The following GALC variants were observed in gnomAD, a reference collection of about 807,000 sequenced individuals.
GALC encodes galactosylceramidase.
A neutral mutation model predicts 91.8 loss-of-function variants in GALC; 77 were observed. The ratio of observed to expected loss-of-function variants is 0.84; its 90% CI spans 0.70 to 1.01. The LOEUF (loss-of-function observed/expected upper bound fraction) is 1.01. Among genes scored for constraint, GALC ranks in the 50% least tolerant of loss-of-function variants. GALC has a pLI of 0.00. For missense variants in GALC, 882 were observed against 855.9 expected (o/e 1.03, Z -0.38); for synonymous variants, 357 against 306.7 (o/e 1.16, Z -1.71).
intron 1 of GALC, among the ~76,000 whole-genome samples, chr14:87,991,719 T>C (rs1371464888): frequency 6.6e-6 from 1 of 152,234 alleles, no homozygotes; most frequent in Non-Finnish European, 1.5e-5. Flanking sequence ...CTAATAATTG[T>C]ATATTCTATC....
At chr14:87,946,557 T>A (rs928129102) in intron 13 of GALC, among the ~76,000 whole-genome samples, 2 of 152,002 alleles carry the variant, frequency 1.3e-5, no homozygotes, top group Non-Finnish European at 2.9e-5. Flanking sequence ...TTACATTTTA[T>A]ATTTGAAGGT....
At chr14:87,968,038 A>G (rs1046211992) in intron 8 of GALC, among the ~76,000 whole-genome samples, 1 of 152,156 alleles carries the variant, frequency 6.6e-6, no homozygotes, top group Non-Finnish European at 1.5e-5. Context: ...TACATATACT[A>G]TTTACTTTAT....
At chr14:87,992,491 C>G in intron 1 of GALC, 1 of 1,532,320 alleles carries the variant, frequency 6.5e-7, no homozygotes, top group East Asian at 2.5e-5. Flanking sequence ...CGGGACTTAA[C>G]GACTCCACCA....
Position 87,965,516 on chromosome 14 carries a change from A to G in GALC, c.1022T>C (p.Val341Ala). The change falls in exon 9 of 17, where the codon GTC becomes GCC. Residue 341 changes from valine (V) to alanine (A), a missense_variant. Transcript: ENST00000261304. Reference sequence around the variant, plus strand: ...GAACTGAACCATACCTGATACCCAGACAGGAGATTCTACCACGTAGTGCCC... The same window carrying G: ...GAACTGAACCATACCTGATACCCAGGCAGGAGATTCTACCACGTAGTGCCC... ...WSGHYVVESP[V>A]WVSAHTTQFT... 1 of 1,613,592 alleles carries G rather than the reference A, an allele frequency of 6.2e-7. No homozygotes were observed. The highest frequency in any genetic ancestry group is 8.5e-7 in the Non-Finnish European group (1 of 1,179,620).
At chr14:87,963,050 A>G (rs1885875905) in intron 10 of GALC, among the ~76,000 whole-genome samples, 1 of 152,138 alleles carries the variant, frequency 6.6e-6, no homozygotes, top group African/African-American at 2.4e-5. Context: ...AGGATGAAAA[A>G]GGAAAAAGCC....
intron 1 of GALC, among the ~76,000 whole-genome samples, chr14:87,990,071 C>T (rs569946489): frequency 1.3e-5 from 2 of 152,242 alleles, no homozygotes; most frequent in South Asian, 4.1e-4. Flanking sequence ...TCTGGCCCTG[C>T]TCACTGATTT....
intron 5 of GALC, among the ~76,000 whole-genome samples, chr14:87,982,843 C>T (rs947802989): frequency 6.6e-5 from 10 of 152,128 alleles, no homozygotes; most frequent in Non-Finnish European, 8.8e-5. Flanking sequence ...TAACAAGAGA[C>T]GATTCTAGAA....
chr14:87,968,686 A>T (rs1886157930), intron 7 of GALC, among the ~76,000 whole-genome samples, 196 bp from the exon 8 acceptor site: 2 of 152,200 alleles, frequency 1.3e-5, no homozygotes, highest in South Asian at 4.1e-4. Context: ...CATTAAAATG[A>T]CAGCAAAGAA....
chr14:87,975,282 G>T (rs116400032), intron 7 of GALC, among the ~76,000 whole-genome samples: 1 of 151,924 alleles, frequency 6.6e-6, no homozygotes, highest in Admixed American at 6.6e-5. Flanking sequence ...CAAATTAAAA[G>T]AAAGAAAAAG....
At position 87,992,990 on chromosome 14, in the gene GALC, C is replaced by A. The variant is rs764757647; in HGVS notation, c.175G>T (p.Gly59Cys). ...DGLGREFDGI[G>C]AVSGGGATSR... The stretch of plus-strand genomic sequence containing the variant: ...CTCACCCCGCCGCCGCTGACCGCGC[C>A]GATGCCGTCGAACTCCCGGCCCAGC... Residue 59 changes from glycine (G) to cysteine (C), a missense_variant, in exon 1 of 17, where the codon GGC (glycine) becomes TGC (cysteine). By Grantham distance (159) the Gly-to-Cys change is radical (BLOSUM62 -3). Coordinates refer to ENST00000261304, the MANE Select transcript of GALC (RefSeq NM_000153.4). The A allele has an allele frequency of 6.5e-7, 1 of 1,532,478 alleles. No homozygotes were observed. Among genetic ancestry groups the A allele is most frequent in the Non-Finnish European group, 8.7e-7 (1 of 1,148,670 alleles). The allele number at this position is 1,532,478 out of a possible 1,614,324, so 94.9% of individuals were successfully genotyped here. A position where few individuals can be genotyped will look rare whatever the true frequency, so the allele number is the denominator to read the frequency against.
Position 87,934,062 on chromosome 14 carries a change from T to C in GALC, c.*670A>G, listed in dbSNP as rs1317733903. On this transcript the variant is annotated 3_prime_UTR_variant, in exon 17 of 17. Transcript: ENST00000261304. ...GACCAAAACTTGGAATCAAAAAAAT[T>C]AAATAATGCAAATAACCCAATTAAT... 6.5e-7 allele frequency: 1 copy of C among 1,531,066 alleles called. No individual in the cohort carries two copies. The highest frequency in any genetic ancestry group is 8.7e-7 in the Non-Finnish European group (1 of 1,143,318). The allele number at this position is 1,531,066 out of a possible 1,614,324, so 94.8% of individuals were successfully genotyped here.
At chr14:87,953,323 G>A in intron 10 of GALC, 1 of 1,440,844 alleles carries the variant, frequency 6.9e-7, no homozygotes, top group Non-Finnish European at 9.7e-7. Flanking sequence ...TGAACCAAAG[G>A]CAAGTTACGG....
At chr14:87,969,961 T>C (rs1256164223) in intron 7 of GALC, among the ~76,000 whole-genome samples, 2 of 152,070 alleles carry the variant, frequency 1.3e-5, no homozygotes, top group Admixed American at 1.3e-4. Context: ...AGGCATCTAT[T>C]CAATATTGCA....
chr14:87,956,840 A>C (rs1885578432), intron 10 of GALC, among the ~76,000 whole-genome samples: 2 of 152,162 alleles, frequency 1.3e-5, no homozygotes, highest in African/African-American at 4.8e-5. Context: ...ATAAATCTCC[A>C]CATTGTTTTC....
intron 10 of GALC, among the ~76,000 whole-genome samples, chr14:87,957,466 ATTC>A (rs1885605097): frequency 6.6e-6 from 1 of 152,082 alleles, no homozygotes; most frequent in African/African-American, 2.4e-5. Flanking sequence ...CAGTTTCATT[ATTC>A]TATATGTTGC....
At chr14:87,955,646 A>G (rs1353980149) in intron 10 of GALC, among the ~76,000 whole-genome samples, 1 of 152,134 alleles carries the variant, frequency 6.6e-6, no homozygotes, top group African/African-American at 2.4e-5. Flanking sequence ...ATTAGTTTAT[A>G]TAAACCTCTG....
chr14:87,950,911 T>A (rs1228471251), intron 10 of GALC, among the ~76,000 whole-genome samples, 163 bp from the exon 11 acceptor site: 5 of 151,732 alleles, frequency 3.3e-5, no homozygotes, highest in Admixed American at 2.6e-4. Flanking sequence ...AATATAATAT[T>A]TACTGAATGT....
Position 87,984,483 on chromosome 14 carries a change from A to G in GALC, c.493T>C (p.Tyr165His). 2 of 1,614,150 alleles carry G rather than the reference A, an allele frequency of 1.2e-6. No individual in the cohort carries two copies. The highest frequency in any genetic ancestry group is 1.7e-6 in the Non-Finnish European group (2 of 1,179,988). ...GWLGKGFDWPYVNLQLTAYYV... is the reference protein window; with the variant it reads ...GWLGKGFDWPHVNLQLTAYYV... Reference sequence around the variant, plus strand: ...TAGGCAGTCAGCTGAAGATTGACATAAGGCCAGTCGAAACCTTTTCCCAGC... The same window carrying G: ...TAGGCAGTCAGCTGAAGATTGACATGAGGCCAGTCGAAACCTTTTCCCAGC... Residue 165 changes from tyrosine to histidine, a missense_variant, in exon 5 of 17, where the codon TAT becomes CAT. Physicochemically the swap from Tyr to His is moderately conservative, Grantham distance 83 (BLOSUM62 2). Coordinates refer to ENST00000261304, the MANE Select transcript of GALC (RefSeq NM_000153.4).
At chr14:87,960,037 A>G (rs113212450) in intron 10 of GALC, among the ~76,000 whole-genome samples, 17,203 of 152,212 alleles carry the variant, frequency 0.11, 1,148 homozygotes, top group Non-Finnish European at 0.16. Flanking sequence ...CAATAAGACA[A>G]ATACCTCATG....
Sources: gnomAD v4.1 joint callset for allele counts (sites outside exome capture counted in the v4.1 genomes callset) on GRCh38, gnomAD v4.1.1 for gene constraint, MANE v1.5 for transcripts, NCBI Gene and HGNC (gene_info 2026-07-23, HGNC 2026-07-21) for gene names.